PSMD1: variants seen among roughly 807,000 people sequenced by gnomAD.
The protein encoded by PSMD1 is proteasome 26S subunit, non-ATPase 1.
Under a neutral mutation model 119.0 loss-of-function variants are expected in PSMD1, and 18 were observed. The observed-to-expected ratio is 0.15, with a 90% CI of 0.10 to 0.22. PSMD1 has a LOEUF of 0.22. Among genes scored for constraint, PSMD1 ranks in the 10% least tolerant of loss-of-function variants. The probability of loss-of-function intolerance (pLI) is 1.00; values close to 1 mark genes in which losing one functional copy is unlikely to be tolerated. For synonymous variants in PSMD1, 374 were observed against 396.6 expected, an observed-to-expected ratio of 0.94 and a Z score of 0.68; for missense variants, 702 against 1,158.5, an observed-to-expected ratio of 0.61 and a Z score of 5.72.
chr2:231,125,881 T>C (rs1695707548), intron 16 of PSMD1, among the ~76,000 whole-genome samples: 1 of 152,248 alleles, frequency 6.6e-6, no homozygotes, highest in Non-Finnish European at 1.5e-5. Context: ...TTGTGCCCTT[T>C]TCTTGTTTCA....
At chr2:231,093,969 A>T (rs1005748190) in intron 16 of PSMD1, among the ~76,000 whole-genome samples, 5 of 152,196 alleles carry the variant, frequency 3.3e-5, no homozygotes, top group Non-Finnish European at 7.3e-5. Context: ...GTAGATGTTT[A>T]ATAATATATT....
intron 16 of PSMD1, among the ~76,000 whole-genome samples, chr2:231,090,323 C>T (rs146264893): frequency 1.1e-4 from 17 of 152,300 alleles, no homozygotes; most frequent in Non-Finnish European, 1.9e-4. Flanking sequence ...CGGCAGATCA[C>T]CCAAGATCAG....
chr2:231,120,360 G>T (rs564929186), intron 16 of PSMD1, among the ~76,000 whole-genome samples: 10 of 152,268 alleles, frequency 6.6e-5, no homozygotes, highest in Non-Finnish European at 1.2e-4. Flanking sequence ...TTGTTTTCTT[G>T]CTCAAGTATT....
chr2:231,122,187 C>T (rs935591582), intron 16 of PSMD1, among the ~76,000 whole-genome samples: 2 of 152,110 alleles, frequency 1.3e-5, no homozygotes, highest in African/African-American at 4.8e-5. Context: ...TAGAACTTTA[C>T]TCATTACTGC....
chr2:231,101,236 A>T (rs553699632), intron 16 of PSMD1, among the ~76,000 whole-genome samples: 1 of 152,318 alleles, frequency 6.6e-6, no homozygotes, highest in Non-Finnish European at 1.5e-5. Context: ...ACAGGAATAA[A>T]CAAATTTATC....
At chr2:231,078,226 C>T (rs530199662) in intron 9 of PSMD1, among the ~76,000 whole-genome samples, 1 of 151,924 alleles carries the variant, frequency 6.6e-6, no homozygotes, top group African/African-American at 2.4e-5. Context: ...CGAGATCGTA[C>T]CACTGCACTC....
At chr2:231,084,904 C>A in intron 14 of PSMD1, 115 bp from the exon 15 acceptor site, 1 of 747,016 alleles carries the variant, frequency 1.3e-6, no homozygotes, top group Non-Finnish European at 2.3e-6. Context: ...AGTTATTGAG[C>A]TCATCATTTC....
At position 231,170,401 on chromosome 2, in the gene PSMD1, T is replaced by C; in HGVS notation, c.2716-165T>C. On this transcript the variant is annotated intron_variant, in intron 23 of 24. Coordinates refer to ENST00000308696, the MANE Select transcript of PSMD1 (RefSeq NM_002807.4). The surrounding 1 kb of genome is among the most constrained non-coding windows in gnomAD (Gnocchi z 4.1). The stretch of plus-strand genomic sequence containing the variant: ...GCTACTGGGTTAAGTTTGCAAATAC[T>C]TCGTATAGATCACAGTTATCTTTAT... 1 of 665,562 alleles carries C rather than the reference T, an allele frequency of 1.5e-6. No homozygotes were observed. Among genetic ancestry groups the C allele is most frequent in the Non-Finnish European group, 2.3e-6 (1 of 437,210 alleles). 41.2% of individuals were successfully genotyped at this position (665,562 alleles called of 1,614,324 possible). A position where few individuals can be genotyped will look rare whatever the true frequency, so the allele number is the denominator to read the frequency against.
At chr2:231,134,968 G>A (rs1559245427) in intron 16 of PSMD1, among the ~76,000 whole-genome samples, 1 of 152,158 alleles carries the variant, frequency 6.6e-6, no homozygotes, top group Non-Finnish European at 1.5e-5. Context: ...CTCTTATTAA[G>A]TAATAAAAAT....
chr2:231,098,061 G>A (rs147493539), intron 16 of PSMD1, among the ~76,000 whole-genome samples: 17 of 152,340 alleles, frequency 1.1e-4, no homozygotes, highest in African/African-American at 3.6e-4. Context: ...GTTGGGAGAC[G>A]GAAGCTGGAT....
intron 7 of PSMD1, among the ~76,000 whole-genome samples, chr2:231,073,117 A>G (rs1694078876): frequency 6.6e-6 from 1 of 152,058 alleles, no homozygotes; most frequent in Non-Finnish European, 1.5e-5. Flanking sequence ...GAGATGGGGG[A>G]ATGACCGGTG....
intron 16 of PSMD1, among the ~76,000 whole-genome samples, chr2:231,104,727 C>G (rs1322831938): frequency 6.6e-6 from 1 of 152,148 alleles, no homozygotes; most frequent in Admixed American, 6.5e-5. Flanking sequence ...TAGACCAGTG[C>G]TTTCTCCACC....
intron 16 of PSMD1, among the ~76,000 whole-genome samples, chr2:231,117,455 A>G (rs1695381455): frequency 6.6e-6 from 1 of 152,120 alleles, no homozygotes; most frequent in Admixed American, 6.5e-5. Context: ...TTTCATTAAA[A>G]TTAAGAAAGA....
At chr2:231,139,856 G>A (rs1424707196) in intron 17 of PSMD1, among the ~76,000 whole-genome samples, 2 of 152,184 alleles carry the variant, frequency 1.3e-5, no homozygotes, top group East Asian at 1.9e-4. Flanking sequence ...GGGGTAAGGT[G>A]ATGATTTGAA....
At chr2:231,106,502 C>T (rs1694977723) in intron 16 of PSMD1, among the ~76,000 whole-genome samples, 1 of 152,058 alleles carries the variant, frequency 6.6e-6, no homozygotes, top group Admixed American at 6.5e-5. Context: ...CCTGTAATGC[C>T]AGCTACTCAG....
chr2:231,113,605 A>T, intron 16 of PSMD1: 1 of 829,478 alleles, frequency 1.2e-6, no homozygotes, highest in Non-Finnish European at 2.1e-6. Context: ...GCTTATGTTA[A>T]TGTATCAGTA....
At chr2:231,172,031 T>C (rs1696925526) in intron 24 of PSMD1, among the ~76,000 whole-genome samples, 1 of 152,238 alleles carries the variant, frequency 6.6e-6, no homozygotes, top group South Asian at 2.1e-4. Context: ...AATATATTTA[T>C]ACCTCAGGAA....
At chr2:231,115,909 C>G (rs1446946109) in intron 16 of PSMD1, among the ~76,000 whole-genome samples, 1 of 151,974 alleles carries the variant, frequency 6.6e-6, no homozygotes, top group African/African-American at 2.4e-5. Context: ...CCAGGTGATT[C>G]GTATGCAAAT....
In PSMD1 at chr2:231,067,349, T is replaced by C. The variant is rs2303352; in HGVS notation, c.510+238T>C. Among the ~76,000 whole-genome samples, 238 of 152,356 alleles carry C rather than the reference T, an allele frequency of 1.6e-3. 3 individuals carry two copies. In the East Asian group the frequency reaches 0.023, roughly 14 times the overall value. ...TTTGAAGTCTTGCATGGGGAAGTTGTATTAATTACTCTGCCCTTTTTAAGA... is the reference window on the plus strand; with the variant it reads ...TTTGAAGTCTTGCATGGGGAAGTTGCATTAATTACTCTGCCCTTTTTAAGA... On this transcript the variant is annotated intron_variant, in intron 5 of 24. Transcript: ENST00000308696.
Sources: allele counts gnomAD v4.1 joint callset (sites outside exome capture counted in the v4.1 genomes callset), GRCh38; gene constraint gnomAD v4.1.1; non-coding constraint Gnocchi (gnomAD v3.1); transcripts MANE v1.5; gene names NCBI Gene and HGNC (gene_info 2026-07-23, HGNC 2026-07-21).